The following KCTD6 variants were observed in gnomAD, a reference collection of about 807,000 sequenced individuals.
KCTD6 encodes the protein BTB/POZ domain-containing protein KCTD6.
A neutral mutation model predicts 18.7 loss-of-function variants in KCTD6; 6 were observed. The ratio of observed to expected loss-of-function variants is 0.32; its 90% CI spans 0.18 to 0.63. The LOEUF (loss-of-function observed/expected upper bound fraction) is 0.63, where lower values mean the gene tolerates loss of function less well. Ranked by LOEUF, KCTD6 falls within the 30% of genes least tolerant of loss-of-function variation. The probability of loss-of-function intolerance (pLI) is 0.79; values close to 1 mark genes in which losing one functional copy is unlikely to be tolerated. For missense variants in KCTD6, 165 were observed against 300.2 expected, an observed-to-expected ratio of 0.55 and a Z score of 3.33; for synonymous variants, 86 against 108.5, an observed-to-expected ratio of 0.79 and a Z score of 1.29.
chr3:58,492,783 T>C lies in KCTD6; in HGVS notation c.-44+614T>C, dbSNP rs2063160675. ...AAATGGCCATGGTAATGGGGAGCCC[T>C]GGCAGCACCTGCTGGGCTGACAGTG... On this transcript the variant is annotated intron_variant, in intron 1 of 2. Coordinates refer to ENST00000404589, the MANE Select transcript of KCTD6 (RefSeq NM_001128214.2). This position sits in a 1 kb window ranked among gnomAD's most constrained non-coding sequence, Gnocchi z 6.1. Among the ~76,000 whole-genome samples, 1 of 152,022 alleles carries C rather than the reference T, an allele frequency of 6.6e-6. No individual in the cohort carries two copies. The highest frequency in any genetic ancestry group is 1.5e-5 in the Non-Finnish European group (1 of 68,014).
chr3:58,500,708 A>G (rs563905967), intron 2 of KCTD6, among the ~76,000 whole-genome samples: 2 of 152,284 alleles, frequency 1.3e-5, no homozygotes, highest in East Asian at 1.9e-4. Context: ...TATTCTTAGC[A>G]TAAGTCTTTA....
chr3:58,495,872 ATTT>A (rs78140499), intron 1 of KCTD6, among the ~76,000 whole-genome samples: 3 of 136,306 alleles, frequency 2.2e-5, no homozygotes, highest in South Asian at 2.4e-4. Context: ...ACATCGTCTA[ATTT>A]TTTTTTTTTT....
In KCTD6 at chr3:58,497,615, A is replaced by G. The variant is rs561136530; in HGVS notation, c.-43-1098A>G. On this transcript the variant is annotated intron_variant, in intron 1 of 2. Transcript: ENST00000404589. This position sits in a 1 kb window ranked among gnomAD's most constrained non-coding sequence, Gnocchi z 4.2. Reference sequence around the variant, plus strand: ...GAATTGTAGATAAAAATAAATTCACATTGGCATCATTAGTATCTGAGCATT... The same window carrying G: ...GAATTGTAGATAAAAATAAATTCACGTTGGCATCATTAGTATCTGAGCATT... Among the ~76,000 whole-genome samples the G allele has an allele frequency of 6.6e-6, 1 of 152,224 alleles. No homozygotes were observed. The highest frequency in any genetic ancestry group is 1.5e-5 in the Non-Finnish European group (1 of 68,028).
rs2063164655 is a variant in KCTD6 at position 58,493,764 on chromosome 3, C to G, written c.-44+1595C>G. Among the ~76,000 whole-genome samples, 1 of 152,188 alleles carries G rather than the reference C, an allele frequency of 6.6e-6. No individual in the cohort carries two copies. The highest frequency in any genetic ancestry group is 2.4e-5 in the African/African-American group (1 of 41,452). ...AGAAATTTTGTTTATGCTGCTGCCACTAATGTTTTCACATTTGTCTAATAC... is the reference window on the plus strand; with the variant it reads ...AGAAATTTTGTTTATGCTGCTGCCAGTAATGTTTTCACATTTGTCTAATAC... On this transcript the variant is annotated intron_variant, in intron 1 of 2. Coordinates refer to ENST00000404589, the MANE Select transcript of KCTD6 (RefSeq NM_001128214.2). This position sits in a 1 kb window ranked among gnomAD's most constrained non-coding sequence, Gnocchi z 4.5.
At chr3:58,494,244 AATCACATT>A (rs1163983810) in intron 1 of KCTD6, 1 of 152,246 alleles carries the variant, frequency 6.6e-6, no homozygotes, top group African/African-American at 2.4e-5. Flanking sequence ...ATCTAACCAT[AATCACATT>A]ATCCTTGTAT....
At chr3:58,500,477 G>A (rs1386983110) in intron 2 of KCTD6, 1 of 151,574 alleles carries the variant, frequency 6.6e-6, no homozygotes, top group Admixed American at 6.6e-5. Flanking sequence ...TTGTTTGAGG[G>A]GGAGAAACCA....
Position 58,493,521 on chromosome 3 carries a change from A to G in KCTD6, c.-44+1352A>G, listed in dbSNP as rs1443890329. On this transcript the variant is annotated intron_variant, in intron 1 of 2. Transcript: ENST00000404589. This position sits in a 1 kb window ranked among gnomAD's most constrained non-coding sequence, Gnocchi z 4.5. The stretch of plus-strand genomic sequence containing the variant: ...GATAATCCCGAGTCATGCTTTAAAG[A>G]AGTTCCTTCTGAGATCAGGAGCTCA... 2.0e-5 allele frequency among the ~76,000 whole-genome samples: 3 copies of G among 152,200 alleles called. No homozygotes were observed. The highest frequency in any genetic ancestry group is 4.4e-5 in the Non-Finnish European group (3 of 68,044).
At chr3:58,499,500 C>G in intron 2 of KCTD6, among the ~76,000 whole-genome samples, 1 of 148,920 alleles carries the variant, frequency 6.7e-6, no homozygotes, top group Non-Finnish European at 1.5e-5. Context: ...GTATATTTTA[C>G]TTGCCTATAC....
In KCTD6 at chr3:58,493,358, A is replaced by G. The variant is rs1310849155; in HGVS notation, c.-44+1189A>G. On this transcript the variant is annotated intron_variant, in intron 1 of 2. Transcript: ENST00000404589. This position sits in a 1 kb window ranked among gnomAD's most constrained non-coding sequence, Gnocchi z 4.5. The stretch of plus-strand genomic sequence containing the variant: ...TTTGTGATTTGAATTTTCATAAATC[A>G]TATTTTAACCAAAGCATTACTACTT... 1.3e-5 allele frequency among the ~76,000 whole-genome samples: 2 copies of G among 152,266 alleles called. No individual in the cohort carries two copies. Among genetic ancestry groups the G allele is most frequent in the African/African-American group, 4.8e-5 (2 of 41,476 alleles).
rs936039712 is a variant in KCTD6, at chr3:58,501,666, C to G, written c.*34C>G. ...CCTGCCACAGGTTCCTGGAAAGACT[C>G]TCCAGGAAATGGAAGATACTGATTT... is the stretch of plus-strand genomic sequence containing the variant. On this transcript the variant is annotated 3_prime_UTR_variant, in exon 3 of 3. Coordinates refer to ENST00000404589, the MANE Select transcript of KCTD6 (RefSeq NM_001128214.2). This position sits in a 1 kb window ranked among gnomAD's most constrained non-coding sequence, Gnocchi z 9.7. 1.6e-6 allele frequency: 2 copies of G among 1,266,728 alleles called. No homozygotes were observed. The highest frequency in any genetic ancestry group is 1.5e-5 in the African/African-American group (1 of 65,270). 78.5% of individuals were successfully genotyped at this position (1,266,728 alleles called of 1,614,324 possible).
chr3:58,501,319 A>G lies in KCTD6; in HGVS notation c.401A>G (p.Asn134Ser), dbSNP rs772591419. ...ACTCGGAAGCTTTCTAAGTACTCCA[A>G]CCCAGTGGCTGTCATCATAACGCAA... ...SSTRKLSKYSNPVAVIITQLT... is the reference protein window; with the variant it reads ...SSTRKLSKYSSPVAVIITQLT... The change falls in exon 3 of 3, where the codon AAC (asparagine) becomes AGC (serine). Residue 134 changes from asparagine to serine, a missense_variant. Transcript: ENST00000404589. The surrounding 1 kb of genome is among the most constrained non-coding windows in gnomAD (Gnocchi z 9.7). 2.4e-5 allele frequency: 38 copies of G among 1,611,166 alleles called. No homozygotes were observed. Among genetic ancestry groups the G allele is most frequent in the Admixed American group, 1.7e-5 (1 of 59,284 alleles).
intron 1 of KCTD6, among the ~76,000 whole-genome samples, chr3:58,495,473 A>G (rs2063171372): frequency 6.6e-6 from 1 of 151,402 alleles, no homozygotes; most frequent in Admixed American, 6.6e-5. Flanking sequence ...GAAGCCGATC[A>G]TTATCCAGCT....
rs2063159076 is a variant in KCTD6 at position 58,492,445 on chromosome 3, G to A, written c.-44+276G>A. The stretch of plus-strand genomic sequence containing the variant: ...GCGGGCCCGGGTTCGGAGCCCCGCG[G>A]CGCGCCCCTCGTCCGGGCCCGGAGC... On this transcript the variant is annotated intron_variant, in intron 1 of 2. Coordinates refer to ENST00000404589, the MANE Select transcript of KCTD6 (RefSeq NM_001128214.2). The surrounding 1 kb of genome is among the most constrained non-coding windows in gnomAD (Gnocchi z 6.1). 6.6e-6 allele frequency among the ~76,000 whole-genome samples: 1 copy of A among 151,640 alleles called. No individual in the cohort carries two copies. The highest frequency in any genetic ancestry group is 2.4e-5 in the African/African-American group (1 of 41,388).
rs1390011719 is a variant in KCTD6, at chr3:58,492,921, G to GT, written c.-44+754dup. 1.3e-5 allele frequency among the ~76,000 whole-genome samples: 2 copies of GT among 152,236 alleles called. No homozygotes were observed. The highest frequency in any genetic ancestry group is 4.8e-5 in the African/African-American group (2 of 41,466). The stretch of plus-strand genomic sequence containing the variant: ...TTCAAGTATACCAGTTCTAGAACAA[G>GT]TTGATGGATCCAATTTTAGGACTTT... On this transcript the variant is annotated intron_variant, in intron 1 of 2. Coordinates refer to ENST00000404589, the MANE Select transcript of KCTD6 (RefSeq NM_001128214.2). This position sits in a 1 kb window ranked among gnomAD's most constrained non-coding sequence, Gnocchi z 6.1.
At position 58,498,878 on chromosome 3, in the gene KCTD6, G is replaced by GA; in HGVS notation, c.27+100dup. On this transcript the variant is annotated intron_variant, in intron 2 of 2. Coordinates refer to ENST00000404589, the MANE Select transcript of KCTD6 (RefSeq NM_001128214.2). This position sits in a 1 kb window ranked among gnomAD's most constrained non-coding sequence, Gnocchi z 4.6. The stretch of plus-strand genomic sequence containing the variant: ...TTTTTAGGTATATCTTATAAGAAAA[G>GA]AAAATTGTGAATTTGTGTAACCTCT... 9.8e-7 allele frequency: 1 copy of GA among 1,020,992 alleles called. No homozygotes were observed. Among genetic ancestry groups the GA allele is most frequent in the South Asian group, 1.6e-5 (1 of 64,436 alleles). The allele number at this position is 1,020,992 out of a possible 1,614,324, so 63.2% of individuals were successfully genotyped here.
At position 58,497,235 on chromosome 3, in the gene KCTD6, A is replaced by G. The variant is rs1477851724; in HGVS notation, c.-43-1478A>G. ...TGAAGGATTTGCAAGGTAGAGAAAT[A>G]GATGCTTCAGGCTCTGATTTCAGCC... is the stretch of plus-strand genomic sequence containing the variant. On this transcript the variant is annotated intron_variant, in intron 1 of 2. Transcript: ENST00000404589. The surrounding 1 kb of genome is among the most constrained non-coding windows in gnomAD (Gnocchi z 4.2). Among the ~76,000 whole-genome samples the G allele has an allele frequency of 6.6e-6, 1 of 152,258 alleles. No individual in the cohort carries two copies. The highest frequency in any genetic ancestry group is 2.4e-5 in the African/African-American group (1 of 41,482).
rs895398467 is a variant in KCTD6, at chr3:58,495,256, A to AT, written c.-44+3090dup. 1.6e-4 allele frequency among the ~76,000 whole-genome samples: 25 copies of AT among 152,328 alleles called. 1 individual carries two copies. The highest frequency in any genetic ancestry group is 6.0e-4 in the African/African-American group (25 of 41,570). Reference sequence around the variant, plus strand: ...TCCTTCTGCTGCCTGTCTTGTGGTCATTTAACTTCTCATTAAGCCCTCCAC... The same window carrying AT: ...TCCTTCTGCTGCCTGTCTTGTGGTCATTTTAACTTCTCATTAAGCCCTCCAC... On this transcript the variant is annotated intron_variant, in intron 1 of 2. Transcript: ENST00000404589.
rs1459494955 is a variant in KCTD6, at chr3:58,493,546, A to G, written c.-44+1377A>G. Among the ~76,000 whole-genome samples, 1 of 152,208 alleles carries G rather than the reference A, an allele frequency of 6.6e-6. No homozygotes were observed. The highest frequency in any genetic ancestry group is 1.5e-5 in the Non-Finnish European group (1 of 68,040). ...AAGTTCCTTCTGAGATCAGGAGCTC[A>G]GGTGTTTGGTGAACTCTGGGAAAAC... On this transcript the variant is annotated intron_variant, in intron 1 of 2. Transcript: ENST00000404589. The surrounding 1 kb of genome is among the most constrained non-coding windows in gnomAD (Gnocchi z 4.5).
intron 2 of KCTD6, among the ~76,000 whole-genome samples, chr3:58,499,951 C>CT (rs2063197517): frequency 6.6e-6 from 1 of 152,136 alleles, no homozygotes; most frequent in Admixed American, 6.5e-5. Context: ...AGTGAATACA[C>CT]TATCAGATTA....
Sources: gnomAD v4.1 joint callset for allele counts (sites outside exome capture counted in the v4.1 genomes callset) on GRCh38, gnomAD v4.1.1 for gene constraint, Gnocchi (gnomAD v3.1) non-coding constraint, MANE v1.5 for transcripts, NCBI Gene and HGNC (gene_info 2026-07-23, HGNC 2026-07-21) for gene names.